The following RBFOX1 variants were observed in gnomAD, a reference collection of about 807,000 sequenced individuals.
RBFOX1 encodes RNA binding protein fox-1 homolog 1.
RBFOX1 carries 8 observed loss-of-function variants against 57.7 expected under a neutral mutation model. The observed-to-expected ratio is 0.14, with a 90% CI of 0.08 to 0.25. The LOEUF (loss-of-function observed/expected upper bound fraction) is 0.25, where lower values mean the gene tolerates loss of function less well. Ranked by LOEUF, RBFOX1 falls within the 10% of genes least tolerant of loss-of-function variation. The pLI, the probability that RBFOX1 is intolerant of heterozygous loss-of-function variation, is 1.00. For synonymous variants in RBFOX1, 326 were observed against 222.4 expected (o/e 1.47, Z -4.15); for missense variants, 611 against 548.5 (o/e 1.11, Z -1.14).
chr16:6,748,891 C>G (rs1203053324), intron 3 of RBFOX1: 1 of 152,136 alleles, frequency 6.6e-6, no homozygotes, highest in Non-Finnish European at 1.5e-5. Context: ...TAAGGAAGAA[C>G]ATAGACCCCA....
intron 13 of RBFOX1, among the ~76,000 whole-genome samples, chr16:7,671,389 G>T (rs995671473): frequency 1.8e-4 from 28 of 152,186 alleles, no homozygotes; most frequent in Admixed American, 2.6e-4. Context: ...AAAAATGTTT[G>T]TCGATGCCCA....
chr16:6,499,198 T>C (rs1219870575), intron 2 of RBFOX1, among the ~76,000 whole-genome samples: 2 of 152,070 alleles, frequency 1.3e-5, no homozygotes, highest in Non-Finnish European at 2.9e-5. Flanking sequence ...AGGAAATAAG[T>C]TGGTTGTTAG....
rs76152629 is a variant in RBFOX1, at chr16:7,128,467, G to A, written c.27+76369G>A. Among the ~76,000 whole-genome samples, 138 of 152,316 alleles carry A rather than the reference G, an allele frequency of 9.1e-4. 1 individual carries two copies. The highest frequency in any genetic ancestry group is 3.4e-3 in the Middle Eastern group (1 of 294). The stretch of plus-strand genomic sequence containing the variant: ...CTGAATCCTCCAGGGTGACATCAGC[G>A]GGGATAGTTCGGTTCTGTACGTGTG... On this transcript the variant is annotated intron_variant, in intron 4 of 15. Transcript: ENST00000550418.
intron 1 of RBFOX1, among the ~76,000 whole-genome samples, chr16:6,312,645 GTTCCTTCTTTCCTTCCTTCCTTCC>G (rs2080479630): frequency 6.8e-6 from 1 of 147,652 alleles, no homozygotes; most frequent in South Asian, 2.2e-4. Flanking sequence ...TAAGCCGATA[GTTCCTTCTTTCCTTCCTTCCTTCC>G]TTCCTTCCTT....
chr16:5,872,228 G>C (rs911069391), intron 4 of RBFOX1, among the ~76,000 whole-genome samples: 1 of 152,180 alleles, frequency 6.6e-6, no homozygotes, highest in African/African-American at 2.4e-5. Flanking sequence ...CATTTAACAA[G>C]GGTCTGTTGA....
chr16:7,595,075 A>C (rs1271369886), intron 7 of RBFOX1, among the ~76,000 whole-genome samples: 1 of 152,144 alleles, frequency 6.6e-6, no homozygotes, highest in Non-Finnish European at 1.5e-5. Context: ...TGTTCTTAAA[A>C]CCACACGGCA....
intron 2 of RBFOX1, among the ~76,000 whole-genome samples, chr16:6,574,488 G>T (rs537162004): frequency 1.4e-5 from 2 of 145,552 alleles, no homozygotes; most frequent in South Asian, 2.2e-4. Flanking sequence ...GAGTGCAGTG[G>T]CGCGATCTCC....
At chr16:6,175,305 A>G (rs2152774985) in intron 1 of RBFOX1, among the ~76,000 whole-genome samples, 1 of 152,338 alleles carries the variant, frequency 6.6e-6, no homozygotes, top group East Asian at 1.9e-4. Context: ...TGTCCACAAA[A>G]GATGTTAATA....
At chr16:5,594,646 TG>T (rs1360637135) in intron 2 of RBFOX1, among the ~76,000 whole-genome samples, 1 of 152,148 alleles carries the variant, frequency 6.6e-6, no homozygotes, top group Non-Finnish European at 1.5e-5. Context: ...TTTGAGTTTC[TG>T]ATTAGCATCT....
intron 14 of RBFOX1, among the ~76,000 whole-genome samples, chr16:7,702,164 C>A (rs773792216): frequency 1.3e-5 from 2 of 152,076 alleles, no homozygotes. Flanking sequence ...TGGGATTCTG[C>A]GATTTGAAAA....
chr16:6,509,249 T>A (rs1044801708), intron 2 of RBFOX1, among the ~76,000 whole-genome samples: 6 of 152,312 alleles, frequency 3.9e-5, no homozygotes, highest in South Asian at 4.1e-4. Context: ...ATTTTTTTCC[T>A]ATGCGGTTAT....
chr16:6,172,591 C>T (rs773297999), intron 1 of RBFOX1, among the ~76,000 whole-genome samples: 9 of 152,126 alleles, frequency 5.9e-5, no homozygotes, highest in Non-Finnish European at 1.0e-4. Flanking sequence ...GATGCAGCCT[C>T]AGTGGTGGAC....
chr16:6,101,727 G>T (rs941143508), intron 1 of RBFOX1, among the ~76,000 whole-genome samples: 5 of 152,152 alleles, frequency 3.3e-5, no homozygotes, highest in African/African-American at 9.7e-5. Flanking sequence ...TTTGAGACCA[G>T]CCTGGCCAAC....
intron 4 of RBFOX1, among the ~76,000 whole-genome samples, chr16:7,387,916 CTTT>C (rs2097912039): frequency 2.0e-5 from 3 of 152,140 alleles, no homozygotes; most frequent in Non-Finnish European, 2.9e-5. Flanking sequence ...CCACTTTCGC[CTTT>C]ATTTTACGCC....
intron 1 of RBFOX1, among the ~76,000 whole-genome samples, chr16:5,322,391 G>C (rs1326867567): frequency 6.6e-6 from 1 of 152,120 alleles, no homozygotes; most frequent in Non-Finnish European, 1.5e-5. Flanking sequence ...ACGCCTAGGG[G>C]TTTGGGGTAG....
intron 1 of RBFOX1, among the ~76,000 whole-genome samples, chr16:5,420,407 C>G (rs1303374518): frequency 6.6e-6 from 1 of 152,062 alleles, no homozygotes; most frequent in Non-Finnish European, 1.5e-5. Context: ...CACACACACA[C>G]ACACTCTCAG....
At chr16:7,697,697 C>T (rs1014470010) in intron 14 of RBFOX1, among the ~76,000 whole-genome samples, 14 of 152,258 alleles carry the variant, frequency 9.2e-5, no homozygotes, top group South Asian at 2.1e-4. Context: ...TGCCAAAACC[C>T]TTCCCCTGGG....
At chr16:6,768,669 C>CAT (rs967530139) in intron 3 of RBFOX1, among the ~76,000 whole-genome samples, 5 of 149,542 alleles carry the variant, frequency 3.3e-5, no homozygotes, top group Non-Finnish European at 7.4e-5. Context: ...TATGTACAGG[C>CAT]ATATATATGT....
intron 9 of RBFOX1, among the ~76,000 whole-genome samples, chr16:7,602,776 G>C (rs972647916): frequency 9.2e-5 from 14 of 152,158 alleles, no homozygotes; most frequent in African/African-American, 3.4e-4. Context: ...AACAGCTGCA[G>C]AATACATCAT....
Sources: gnomAD v4.1 joint callset for allele counts (sites outside exome capture counted in the v4.1 genomes callset) on GRCh38, gnomAD v4.1.1 for gene constraint, MANE v1.5 for transcripts, NCBI Gene and HGNC (gene_info 2026-07-23, HGNC 2026-07-21) for gene names.